Variants in RANBP2 observed in about 807,000 individuals in gnomAD.
RANBP2 encodes the protein E3 SUMO-protein ligase RanBP2.
Under a neutral mutation model 303.6 loss-of-function variants are expected in RANBP2, and 57 were observed. The observed-to-expected ratio is 0.19, with a 90% confidence interval of 0.15 to 0.23. The LOEUF (loss-of-function observed/expected upper bound fraction) is 0.23, where lower values mean the gene tolerates loss of function less well. Among genes scored for constraint, RANBP2 ranks in the 10% least tolerant of loss-of-function variants. RANBP2 has a pLI of 1.00. For missense variants in RANBP2, 3,138 were observed against 3,780.8 expected, an observed-to-expected ratio of 0.83 and a Z score of 4.46; for synonymous variants, 1,167 against 1,301.5, an observed-to-expected ratio of 0.90 and a Z score of 2.23.
chr2:108,923,094 T>C, the RANBP2 span, among the ~76,000 whole-genome samples: 4 of 152,200 alleles, frequency 2.6e-5, no homozygotes, highest in South Asian at 4.1e-4. Context: ...ATATTACCGA[T>C]GAGAAAACCG....
intron 17 of RANBP2, among the ~76,000 whole-genome samples, chr2:108,756,249 T>C (rs1195602034): frequency 2.6e-5 from 4 of 152,194 alleles, no homozygotes; most frequent in Non-Finnish European, 4.4e-5. Context: ...AGCTAGGAAT[T>C]GAAAAGTGGT....
the RANBP2 span, among the ~76,000 whole-genome samples, chr2:109,082,755 C>T: frequency 6.6e-6 from 1 of 151,830 alleles, no homozygotes; most frequent in Non-Finnish European, 1.5e-5. Context: ...TTGGAGGCTG[C>T]AGTGCACTAT....
the RANBP2 span, among the ~76,000 whole-genome samples, chr2:109,556,696 T>C: frequency 6.6e-6 from 1 of 152,160 alleles, no homozygotes; most frequent in Admixed American, 6.6e-5. Context: ...ATCAGCTACT[T>C]TCTTCATCTT....
the RANBP2 span, among the ~76,000 whole-genome samples, chr2:109,126,224 T>A: frequency 6.6e-6 from 1 of 152,168 alleles, no homozygotes; most frequent in Non-Finnish European, 1.5e-5. Flanking sequence ...ATAGTCTGTG[T>A]GTCCTGTGGG....
the RANBP2 span, among the ~76,000 whole-genome samples, chr2:108,928,663 C>A: frequency 6.6e-6 from 1 of 152,166 alleles, no homozygotes; most frequent in African/African-American, 2.4e-5. Context: ...TGGTCCCTGG[C>A]AGAATTTGCT....
At chr2:109,205,789 G>A in the RANBP2 span, among the ~76,000 whole-genome samples, 2 of 152,232 alleles carry the variant, frequency 1.3e-5, no homozygotes, top group Non-Finnish European at 2.9e-5. Flanking sequence ...CCCTGAAGCA[G>A]CGGGGGGATC....
At chr2:109,173,828 G>A in the RANBP2 span, among the ~76,000 whole-genome samples, 1 of 152,214 alleles carries the variant, frequency 6.6e-6, no homozygotes, top group Non-Finnish European at 1.5e-5. Flanking sequence ...CTGGAACACT[G>A]CCGTCGTCCT....
the RANBP2 span, among the ~76,000 whole-genome samples, chr2:109,054,910 G>A: frequency 6.6e-6 from 1 of 152,070 alleles, no homozygotes; most frequent in South Asian, 2.1e-4. Flanking sequence ...AGGGTCTCTC[G>A]AGGTTCACCA....
At chr2:108,844,431 C>G in the RANBP2 span, among the ~76,000 whole-genome samples, 1 of 151,916 alleles carries the variant, frequency 6.6e-6, no homozygotes, top group Non-Finnish European at 1.5e-5. Context: ...GTAAGACTTT[C>G]TGTGTCTTCG....
At chr2:108,773,636 C>T (rs997053375) in intron 23 of RANBP2, among the ~76,000 whole-genome samples, 1 of 149,606 alleles carries the variant, frequency 6.7e-6, no homozygotes, top group African/African-American at 2.5e-5. Flanking sequence ...CAGTCAAAAC[C>T]CCTCCAGGAA....
chr2:109,084,238 C>A, the RANBP2 span, among the ~76,000 whole-genome samples: 1 of 152,232 alleles, frequency 6.6e-6, no homozygotes, highest in African/African-American at 2.4e-5. Flanking sequence ...TGGCCTATTT[C>A]TCCAACTTCA....
At chr2:109,685,595 C>T in the RANBP2 span, among the ~76,000 whole-genome samples, 400 of 152,300 alleles carry the variant, frequency 2.6e-3, no homozygotes, top group Non-Finnish European at 4.3e-3. Context: ...CAGCCCTTGC[C>T]CCCTGCACGG....
chr2:109,287,983 G>A, the RANBP2 span, among the ~76,000 whole-genome samples: 3 of 152,230 alleles, frequency 2.0e-5, no homozygotes, highest in Non-Finnish European at 4.4e-5. Context: ...TATTTGAAAG[G>A]CGAAGTGAGC....
chr2:108,749,658 C>T (rs189000548), intron 9 of RANBP2, among the ~76,000 whole-genome samples: 258 of 152,264 alleles, frequency 1.7e-3, no homozygotes, highest in African/African-American at 6.0e-3. Flanking sequence ...GTGGCATGAT[C>T]GTAGGTCACT....
chr2:109,544,065 A>C, the RANBP2 span: 15 of 1,271,152 alleles, frequency 1.2e-5, no homozygotes, highest in Non-Finnish European at 1.6e-5. Context: ...AAAAAGATTC[A>C]GATTTTGAAG....
the RANBP2 span, among the ~76,000 whole-genome samples, chr2:109,595,169 G>A: frequency 6.6e-6 from 1 of 152,214 alleles, no homozygotes; most frequent in Non-Finnish European, 1.5e-5. Flanking sequence ...TTACAGGCCT[G>A]AGCCCCCACG....
the RANBP2 span, among the ~76,000 whole-genome samples, chr2:109,003,731 G>A: frequency 6.6e-6 from 1 of 152,152 alleles, no homozygotes; most frequent in African/African-American, 2.4e-5. Context: ...TTTTGAACTA[G>A]GGCTTACATC....
intron 1 of RANBP2, among the ~76,000 whole-genome samples, chr2:108,720,571 C>T (rs1198554304): frequency 2.0e-5 from 3 of 152,124 alleles, no homozygotes; most frequent in Non-Finnish European, 4.4e-5. Context: ...TTTGCTTTGG[C>T]TTGAATAATC....
the RANBP2 span, among the ~76,000 whole-genome samples, chr2:109,034,894 G>A: frequency 6.6e-6 from 1 of 152,188 alleles, no homozygotes. Flanking sequence ...CAGGAGGAGA[G>A]GGTATGAAAA....
Sources: allele counts gnomAD v4.1 joint callset (sites outside exome capture counted in the v4.1 genomes callset), GRCh38; gene constraint gnomAD v4.1.1; transcripts MANE v1.5; gene names NCBI Gene and HGNC (gene_info 2026-07-23, HGNC 2026-07-21).